The following TRIM63 variants were observed in gnomAD, a reference collection of about 807,000 sequenced individuals.
TRIM63 encodes E3 ubiquitin-protein ligase TRIM63.
In TRIM63, 48 loss-of-function variants were observed where a neutral mutation model predicts 46.0. The ratio of observed to expected loss-of-function variants is 1.04; its 90% CI spans 0.83 to 1.33. The LOEUF (loss-of-function observed/expected upper bound fraction) is 1.33. TRIM63 is among the 40% of genes most tolerant of loss of function. The probability of loss-of-function intolerance (pLI) is 0.00; values close to 1 mark genes in which losing one functional copy is unlikely to be tolerated. For synonymous variants in TRIM63, 175 were observed against 162.8 expected (o/e 1.08, Z -0.57); for missense variants, 455 against 441.2 (o/e 1.03, Z -0.28).
At chr1:26,063,056 CTTTGTTTG>C (rs71004562) in intron 2 of TRIM63, among the ~76,000 whole-genome samples, 186 of 149,550 alleles carry the variant, frequency 1.2e-3, no homozygotes, top group Admixed American at 1.7e-3. Context: ...AGCACCCAGC[CTTTGTTTG>C]TTTGTTTGTT....
Position 26,057,635 on chromosome 1 carries a change from T to C in TRIM63, c.847A>G (p.Ile283Val). ...CTCTAGGAAGACACTGACCTTTTGA[T>C]GAGTTGCTTGGCAGTCTGCAGGGGG... ...ATFLLTAKQL[I>V]KSIVEASKGC... is the part of the protein sequence containing the mutation. Residue 283 changes from isoleucine (I) to valine (V), a missense_variant, in exon 6 of 9, where the codon ATC (isoleucine) becomes GTC (valine). Ile to Val is a conservative substitution (Grantham distance 29). Transcript: ENST00000374272. The C allele has an allele frequency of 6.2e-7, 1 of 1,610,436 alleles. No individual in the cohort carries two copies. The highest frequency in any genetic ancestry group is 8.5e-7 in the Non-Finnish European group (1 of 1,178,408).
chr1:26,058,223 A>G (rs966455138), intron 5 of TRIM63, among the ~76,000 whole-genome samples, 167 bp downstream of exon 5: 1 of 152,192 alleles, frequency 6.6e-6, no homozygotes, highest in African/African-American at 2.4e-5. Context: ...CAGTAAGAGG[A>G]AGGTGGGGGG....
In TRIM63 at chr1:26,067,586, C is replaced by T; in HGVS notation, c.-92G>A. 1.4e-6 allele frequency: 2 copies of T among 1,441,446 alleles called. No homozygotes were observed. Among genetic ancestry groups the T allele is most frequent in the Non-Finnish European group, 9.4e-7 (1 of 1,066,040 alleles). 89.3% of individuals were successfully genotyped at this position (1,441,446 alleles called of 1,614,324 possible). On this transcript the variant is annotated 5_prime_UTR_variant, in exon 1 of 9. The change creates a new upstream start codon in the 5' untranslated region. Transcript: ENST00000374272. The stretch of plus-strand genomic sequence containing the variant: ...GGGGTCTTGCCTTTGTCACAAAACA[C>T]CGGGTCGGATCCTGTTGGCTTCCTT...
Position 26,061,206 on chromosome 1 carries a change from C to T in TRIM63, c.461G>A (p.Cys154Tyr), listed in dbSNP as rs746470073. The T allele has an allele frequency of 6.2e-7, 1 of 1,614,194 alleles. No homozygotes were observed. Among genetic ancestry groups the T allele is most frequent in the Non-Finnish European group, 8.5e-7 (1 of 1,180,022 alleles). Residue 154 changes from cysteine (C) to tyrosine (Y), a missense_variant, in exon 3 of 9, where the codon TGC becomes TAC. Transcript: ENST00000374272. ...MCKVFGIHKA[C>Y]EVAPLQSVFQ... ...GACACTCTGCAATGGGGCCACCTCG[C>T]AGGCCTTGTGGATCCCAAACACCTT...
chr1:26,059,701 G>A (rs2050605608), intron 4 of TRIM63, among the ~76,000 whole-genome samples: 1 of 152,030 alleles, frequency 6.6e-6, no homozygotes, highest in Non-Finnish European at 1.5e-5. Flanking sequence ...TACCCCAAGT[G>A]AACATGGAAA....
intron 7 of TRIM63, among the ~76,000 whole-genome samples, chr1:26,056,341 A>T (rs1046025969): frequency 6.6e-6 from 1 of 152,206 alleles, no homozygotes; most frequent in Non-Finnish European, 1.5e-5. Context: ...TGAGGACATG[A>T]TGTTGATCAA....
Position 26,056,783 on chromosome 1 carries a change from G to T in TRIM63, c.979+420C>A, listed in dbSNP as rs180999623. 2.9e-3 allele frequency among the ~76,000 whole-genome samples: 437 copies of T among 149,334 alleles called. 1 individual carries two copies. The highest frequency in any genetic ancestry group is 4.7e-3 in the Non-Finnish European group (314 of 67,512). On this transcript the variant is annotated intron_variant, in intron 7 of 8. Transcript: ENST00000374272. ...TTTTTTTTTTTTTTTTTTTGAGATG[G>T]AGTTTGGCTGGCTCTTTTGCCCAGG... is the stretch of plus-strand genomic sequence containing the variant.
At chr1:26,057,174 T>C (rs2050580091) in intron 7 of TRIM63, 29 bp downstream of exon 7, 1 of 1,613,146 alleles carries the variant, frequency 6.2e-7, no homozygotes, top group Non-Finnish European at 8.5e-7. Context: ...GGCAGGCAAA[T>C]AGACAAGTGG....
In TRIM63 at chr1:26,067,334, A is replaced by T; in HGVS notation, c.159+2T>A. 6.2e-7 allele frequency: 1 copy of T among 1,613,804 alleles called. No individual in the cohort carries two copies. Among genetic ancestry groups the T allele is most frequent in the South Asian group, 1.1e-5 (1 of 91,056 alleles). On this transcript the variant is annotated splice_donor_variant, in intron 1 of 8. Transcript: ENST00000374272. LOFTEE classifies it high-confidence loss of function. ...CCAAATGAAGCTGCACCCGGCACTT[A>T]CCTGGAAGATGTCATTGGCACACTT... is the stretch of plus-strand genomic sequence containing the variant.
At chr1:26,058,010 C>T (rs2050588346) in intron 5 of TRIM63, among the ~76,000 whole-genome samples, 1 of 152,194 alleles carries the variant, frequency 6.6e-6, no homozygotes, top group African/African-American at 2.4e-5. Context: ...TTGAACTGAA[C>T]TATGAAGTCT....
intron 7 of TRIM63, among the ~76,000 whole-genome samples, chr1:26,055,442 A>G (rs1244801427): frequency 6.6e-6 from 1 of 152,084 alleles, no homozygotes; most frequent in Non-Finnish European, 1.5e-5. Context: ...GGAGATTAGG[A>G]AGGCCAGTGC....
intron 8 of TRIM63, 127 bp downstream of exon 8, chr1:26,053,766 C>T (rs752522666): frequency 4.3e-6 from 3 of 700,256 alleles, no homozygotes; most frequent in Non-Finnish European, 7.2e-6. Context: ...AGGGTTAAAG[C>T]ACGTGCTGGG....
intron 3 of TRIM63, among the ~76,000 whole-genome samples, chr1:26,060,947 C>T (rs1330075602): frequency 6.6e-6 from 1 of 152,200 alleles, no homozygotes; most frequent in African/African-American, 2.4e-5. Flanking sequence ...CCTGTGGCCA[C>T]ACCCAGGTGC....
chr1:26,052,782 G>C (rs545520629), intron 8 of TRIM63, among the ~76,000 whole-genome samples: 1 of 152,182 alleles, frequency 6.6e-6, no homozygotes, highest in East Asian at 1.9e-4. Flanking sequence ...CTTTAAAGGG[G>C]AGAGCCACTG....
At chr1:26,057,577 G>T in intron 6 of TRIM63, 51 bp downstream of exon 6, 1 of 1,589,904 alleles carries the variant, frequency 6.3e-7, no homozygotes, top group Non-Finnish European at 8.6e-7. Context: ...CTGGACAGAG[G>T]TCCTGGTGGG....
intron 8 of TRIM63, 30 bp downstream of exon 8, chr1:26,053,855 TGAAGGAAC>T: frequency 6.8e-7 from 1 of 1,476,928 alleles, no homozygotes; most frequent in Non-Finnish European, 9.4e-7. Context: ...GTGGAATGAA[TGAAGGAAC>T]GAAGGAATGG....
intron 2 of TRIM63, among the ~76,000 whole-genome samples, chr1:26,063,073 T>TTTGC (rs1553146195): frequency 6.6e-6 from 1 of 151,612 alleles, no homozygotes; most frequent in Non-Finnish European, 1.5e-5. Flanking sequence ...TGTTTGTTTG[T>TTTGC]TTGTTTGTTT....
intron 7 of TRIM63, among the ~76,000 whole-genome samples, chr1:26,054,773 C>G (rs992478960): frequency 1.3e-5 from 2 of 151,910 alleles, no homozygotes; most frequent in Non-Finnish European, 2.9e-5. Context: ...TCAAGACCTG[C>G]CTGGCCAACA....
intron 8 of TRIM63, among the ~76,000 whole-genome samples, chr1:26,053,235 C>T: frequency 6.6e-6 from 1 of 152,008 alleles, no homozygotes; most frequent in East Asian, 1.9e-4. Context: ...CGTACCACCA[C>T]ACCCAGCCAG....
Sources: allele counts gnomAD v4.1 joint callset (sites outside exome capture counted in the v4.1 genomes callset), GRCh38; gene constraint gnomAD v4.1.1; transcripts MANE v1.5; gene names NCBI Gene and HGNC (gene_info 2026-07-23, HGNC 2026-07-21).